Variants in JCAD observed in about 807,000 individuals in gnomAD.
The protein encoded by JCAD is junctional cadherin 5 associated.
A neutral mutation model predicts 98.0 loss-of-function variants in JCAD; 40 were observed. That is an observed-to-expected ratio of 0.41 (90% CI 0.32 to 0.53). The LOEUF (loss-of-function observed/expected upper bound fraction) is 0.53. Ranked by LOEUF, JCAD falls within the 20% of genes least tolerant of loss-of-function variation. The pLI is 0.31. For synonymous variants in JCAD, 691 were observed against 682.3 expected (o/e 1.01, Z -0.20); for missense variants, 1,705 against 1,738.1 (o/e 0.98, Z 0.34).
intron 2 of JCAD, among the ~76,000 whole-genome samples, chr10:30,065,804 C>A (rs1837775330): frequency 6.6e-6 from 1 of 152,146 alleles, no homozygotes; most frequent in South Asian, 2.1e-4. Context: ...CCCAGCCCTG[C>A]ATAATTATTT....
intron 2 of JCAD, among the ~76,000 whole-genome samples, chr10:30,031,426 T>G (rs1218379456): frequency 6.7e-6 from 1 of 150,268 alleles, no homozygotes; most frequent in Non-Finnish European, 1.5e-5. Flanking sequence ...GCACCATGCC[T>G]GGCCCATCTG....
At chr10:30,072,086 A>G (rs1837902198) in intron 1 of JCAD, among the ~76,000 whole-genome samples, 1 of 149,868 alleles carries the variant, frequency 6.7e-6, no homozygotes, top group Admixed American at 6.6e-5. Flanking sequence ...GGCACATGCT[A>G]TTTGCAATAC....
At chr10:30,049,026 C>T (rs1837414232) in intron 1 of JCAD, among the ~76,000 whole-genome samples, 1 of 152,128 alleles carries the variant, frequency 6.6e-6, no homozygotes, top group African/African-American at 2.4e-5. Flanking sequence ...ACAAGAGTAC[C>T]CACAAAGAAG....
intron 1 of JCAD, among the ~76,000 whole-genome samples, chr10:30,056,432 T>C (rs577259063): frequency 5.9e-5 from 9 of 152,212 alleles, no homozygotes; most frequent in East Asian, 1.9e-4. Context: ...AAGTTCCTAG[T>C]AACCCCACTG....
At chr10:30,047,453 T>C in intron 2 of JCAD, 79 bp downstream of exon 2, 1 of 1,492,434 alleles carries the variant, frequency 6.7e-7, no homozygotes, top group African/African-American at 1.4e-5. Context: ...AAATATAGAT[T>C]TGAAAGAGTT....
intron 1 of JCAD, among the ~76,000 whole-genome samples, chr10:30,079,811 C>A (rs1202207008): frequency 1.3e-5 from 2 of 152,356 alleles, no homozygotes; most frequent in Non-Finnish European, 2.9e-5. Flanking sequence ...TCACATTTTT[C>A]TCCCTTGCCT....
At chr10:30,018,539 A>G (rs1836587617) in intron 3 of JCAD, among the ~76,000 whole-genome samples, 1 of 152,008 alleles carries the variant, frequency 6.6e-6, no homozygotes, top group South Asian at 2.1e-4. Flanking sequence ...CTGGCCCCTC[A>G]CGCACTGATC....
chr10:30,071,030 A>G, intron 1 of JCAD, among the ~76,000 whole-genome samples: 1 of 151,998 alleles, frequency 6.6e-6, no homozygotes, highest in East Asian at 1.9e-4. Flanking sequence ...TCAGCCTCCC[A>G]AGTAGCTGGG....
At chr10:30,114,042 C>CCTAA (rs1185583347) in intron 1 of JCAD, among the ~76,000 whole-genome samples, 1 of 151,926 alleles carries the variant, frequency 6.6e-6, no homozygotes, top group East Asian at 1.9e-4. Context: ...GGCACTTAGC[C>CCTAA]CCCTCTGTAA....
rs919293327 is a variant in JCAD, at chr10:30,057,846, T to C, written c.-60+1636A>G. On this transcript the variant is annotated intron_variant, in intron 1 of 3. Coordinates refer to ENST00000375377, the MANE Select transcript of JCAD (RefSeq NM_020848.4). Reference sequence around the variant, plus strand: ...CCTAATGTCAAGGTAAATAATTAAGTCCCAATCCACAGACGTTATGGAAAA... The same window carrying C: ...CCTAATGTCAAGGTAAATAATTAAGCCCCAATCCACAGACGTTATGGAAAA... 3.3e-5 allele frequency among the ~76,000 whole-genome samples: 5 copies of C among 152,174 alleles called. No homozygotes were observed. In the East Asian group the frequency reaches 9.7e-4, roughly 29 times the overall value.
In JCAD at chr10:30,026,972, T is replaced by C. The variant is rs1186169703; in HGVS notation, c.3176A>G (p.Gln1059Arg). The change falls in exon 3 of 4, where the codon CAG becomes CGG. Residue 1059 changes from glutamine to arginine, a missense_variant. Transcript: ENST00000375377. The stretch of plus-strand genomic sequence containing the variant: ...AGACCCCTCTAGCTCACTGGCACCC[T>C]GTTCTTGCCCAGGGGTGAGCCCCAC... ...RSVGLTPGQE[Q>R]GASELEGSLG... is the part of the protein sequence containing the mutation. 6.2e-7 allele frequency: 1 copy of C among 1,614,220 alleles called. No individual in the cohort carries two copies. The highest frequency in any genetic ancestry group is 1.7e-5 in the Admixed American group (1 of 60,030).
At chr10:30,063,227 A>G (rs1837729216), upstream of JCAD, among the ~76,000 whole-genome samples, 1 of 151,898 alleles carries the variant, frequency 6.6e-6, no homozygotes, top group African/African-American at 2.4e-5. Context: ...TGAAGCTGTT[A>G]GAAGTCTGGC....
intron 2 of JCAD, among the ~76,000 whole-genome samples, chr10:30,031,965 G>A (rs1050310796): frequency 7.3e-5 from 11 of 150,108 alleles, no homozygotes; most frequent in East Asian, 2.0e-4. Flanking sequence ...TGTTTTAGCC[G>A]GGATGGTCTC....
At chr10:30,031,989 C>T (rs1049575172) in intron 2 of JCAD, among the ~76,000 whole-genome samples, 2 of 144,732 alleles carry the variant, frequency 1.4e-5, no homozygotes, top group Admixed American at 7.0e-5. Flanking sequence ...CTCCTGACCT[C>T]GTGATCCGCC....
intron 1 of JCAD, among the ~76,000 whole-genome samples, chr10:30,054,041 G>T (rs992681736): frequency 2.6e-5 from 4 of 152,170 alleles, no homozygotes; most frequent in African/African-American, 9.7e-5. Flanking sequence ...CACCCTGAGC[G>T]ACAATGAGGC....
chr10:30,048,414 A>C (rs1418397358), intron 1 of JCAD, among the ~76,000 whole-genome samples: 2 of 152,218 alleles, frequency 1.3e-5, no homozygotes, highest in African/African-American at 2.4e-5. Context: ...GAAGCCATCG[A>C]AACAGCAACT....
At chr10:30,069,446 CAAA>C (rs35069678) in intron 2 of JCAD, among the ~76,000 whole-genome samples, 18 of 105,554 alleles carry the variant, frequency 1.7e-4, no homozygotes, top group African/African-American at 5.0e-4. Flanking sequence ...AGAAAATTTA[CAAA>C]AAAAAAAAAA....
In JCAD at chr10:30,027,071, C is replaced by G. The variant is rs1256979105; in HGVS notation, c.3077G>C (p.Gly1026Ala). Residue 1026 changes from glycine to alanine, a missense_variant, in exon 3 of 4, where the codon GGA becomes GCA. By Grantham distance (60) the Gly-to-Ala change is moderately conservative. This residue lies in a region of JCAD where 1,278 missense variants were observed against 1,243.1 expected (regional missense o/e 1.03). Transcript: ENST00000375377. ...CAGTGGGAGCCCTGCCCCCCTCTCT[C>G]CACCACTGTCAAACTTCCGAGGGAC... ...EAVPRKFDSG[G>A]ERGAGLPLSL... is the part of the protein sequence containing the mutation. 3.1e-6 allele frequency: 5 copies of G among 1,614,114 alleles called. No individual in the cohort carries two copies. In the East Asian group the frequency reaches 8.9e-5, roughly 29 times the overall value.
rs749127751 is a variant in JCAD at position 30,028,365 on chromosome 10, C to A, written c.1783G>T (p.Asp595Tyr). 1.9e-6 allele frequency: 3 copies of A among 1,614,232 alleles called. No homozygotes were observed. The South Asian group carries it at 3.3e-5, about 18-fold the overall frequency. ...AAGTCATTGTTGTCCATATCTCTAT[C>A]TGGCAGATGTGATTCTGATTTCACT... ...IPVKSESHLP[D>Y]RDMDNNDLKP... The change falls in exon 3 of 4, where the codon GAT becomes TAT. Residue 595 changes from aspartate to tyrosine, a missense_variant. Physicochemically the swap from Asp to Tyr is radical, Grantham distance 160. Transcript: ENST00000375377.
Sources: gnomAD v4.1 joint callset for allele counts (sites outside exome capture counted in the v4.1 genomes callset) on GRCh38, gnomAD v4.1.1 for gene constraint, gnomAD v4.1.1 regional missense constraint, MANE v1.5 for transcripts, NCBI Gene and HGNC (gene_info 2026-07-23, HGNC 2026-07-21) for gene names.